STPG2: variants seen among roughly 807,000 people sequenced by gnomAD.
The protein encoded by STPG2 is sperm-tail PG-rich repeat-containing protein 2.
Under a neutral mutation model 54.2 loss-of-function variants are expected in STPG2, and 56 were observed. That is an observed-to-expected ratio of 1.03 (90% CI 0.83 to 1.29). STPG2 has a LOEUF of 1.29. Among genes scored for constraint, STPG2 ranks in the 50% most tolerant of loss-of-function variants. STPG2 has a pLI of 0.00. For missense variants in STPG2, 596 were observed against 544.9 expected (o/e 1.09, Z -0.93); for synonymous variants, 200 against 181.8 (o/e 1.10, Z -0.81).
intron 5 of STPG2, among the ~76,000 whole-genome samples, chr4:97,991,040 G>A (rs1734986056): frequency 6.6e-6 from 1 of 151,966 alleles, no homozygotes; most frequent in South Asian, 2.1e-4. Context: ...TGTACCCAAA[G>A]TGTATTCTTT....
chr4:97,876,952 TTTTA>T (rs1193496903), intron 8 of STPG2, among the ~76,000 whole-genome samples: 9 of 152,208 alleles, frequency 5.9e-5, no homozygotes, highest in African/African-American at 1.7e-4. Context: ...TTCAATTTAT[TTTTA>T]TTTATTTTAG....
At chr4:97,450,458 G>A (rs535163505) in intron 4 of STPG2, among the ~76,000 whole-genome samples, 1 of 152,110 alleles carries the variant, frequency 6.6e-6, no homozygotes, top group Admixed American at 6.6e-5. Flanking sequence ...CCAAGAAGAG[G>A]TACATGGAGA....
intron 8 of STPG2, among the ~76,000 whole-genome samples, chr4:97,902,913 G>A (rs1731233148): frequency 6.6e-6 from 1 of 152,040 alleles, no homozygotes; most frequent in South Asian, 2.1e-4. Context: ...ACTAATGGAT[G>A]AACAGATAGA....
chr4:97,508,830 T>A (rs889614673), intron 4 of STPG2, among the ~76,000 whole-genome samples: 2 of 152,120 alleles, frequency 1.3e-5, no homozygotes, highest in African/African-American at 4.8e-5. Flanking sequence ...TATACTTTAA[T>A]AGTGCTTTAT....
intron 9 of STPG2, among the ~76,000 whole-genome samples, chr4:97,803,058 G>C (rs59836368): frequency 5.7e-4 from 87 of 152,032 alleles, no homozygotes; most frequent in African/African-American, 2.0e-3. Flanking sequence ...GATTGTGCCA[G>C]GAATAAGAAA....
intron 10 of STPG2, among the ~76,000 whole-genome samples, chr4:97,676,012 AT>A (rs1161411486): frequency 1.4e-5 from 2 of 146,700 alleles, no homozygotes; most frequent in African/African-American, 5.0e-5. Context: ...TACTATATAT[AT>A]TACTAAATTT....
At position 97,712,732 on chromosome 4, in the gene STPG2, G is replaced by C; in HGVS notation, c.1287C>G (p.Ser429=). ...TTGCTGGGCCTGGAGTAATCTCTTT[G>C]GACTCTTCAAAGCGCTTTGATGCTT... ...FVKASKRFEE[S]KEITPGPATY... is the part of the protein sequence containing the mutation. The change falls in exon 10 of 11, where the codon TCC becomes TCG. Residue 429 remains serine, a synonymous_variant. Transcript: ENST00000295268. 1 of 1,606,462 alleles carries C rather than the reference G, an allele frequency of 6.2e-7. No homozygotes were observed. Among genetic ancestry groups the C allele is most frequent in the South Asian group, 1.1e-5 (1 of 89,974 alleles).
chr4:97,838,886 C>G (rs892152306), intron 9 of STPG2, among the ~76,000 whole-genome samples: 1 of 151,426 alleles, frequency 6.6e-6, no homozygotes, highest in Non-Finnish European at 1.5e-5. Context: ...ATAATAGAGG[C>G]ACATGGGGTT....
At chr4:97,597,361 C>G (rs75162437) in intron 10 of STPG2, among the ~76,000 whole-genome samples, 1 of 152,074 alleles carries the variant, frequency 6.6e-6, no homozygotes, top group Non-Finnish European at 1.5e-5. Flanking sequence ...CCTACCGAAA[C>G]TATTCCAAAA....
chr4:98,059,418 T>C (rs746746735), intron 5 of STPG2, among the ~76,000 whole-genome samples: 15 of 151,792 alleles, frequency 9.9e-5, no homozygotes, highest in Non-Finnish European at 2.2e-4. Context: ...ATAAATAGCC[T>C]ACCAATAAAA....
intron 5 of STPG2, among the ~76,000 whole-genome samples, chr4:98,019,436 G>A (rs1327028123): frequency 6.6e-6 from 1 of 151,954 alleles, no homozygotes; most frequent in Non-Finnish European, 1.5e-5. Context: ...AGTATAGTTT[G>A]AAGTCAGGTA....
intron 10 of STPG2, among the ~76,000 whole-genome samples, chr4:97,589,949 A>G (rs1212884952): frequency 1.3e-5 from 2 of 152,096 alleles, no homozygotes; most frequent in African/African-American, 2.4e-5. Context: ...TAAACCCTCT[A>G]TGGTGTTTGT....
At chr4:97,970,095 C>T (rs1734269483) in intron 7 of STPG2, among the ~76,000 whole-genome samples, 1 of 152,126 alleles carries the variant, frequency 6.6e-6, no homozygotes, top group Non-Finnish European at 1.5e-5. Flanking sequence ...AGGAATCCAA[C>T]TTACAGGGAT....
At chr4:97,583,645 T>C (rs1279610951) in intron 10 of STPG2, among the ~76,000 whole-genome samples, 6 of 151,826 alleles carry the variant, frequency 4.0e-5, no homozygotes, top group Non-Finnish European at 5.9e-5. Context: ...AAGTAATGCA[T>C]ACAAACTCAC....
rs554094869 is a variant in STPG2, at chr4:97,662,929, T to C, written c.1320+49770A>G. Among the ~76,000 whole-genome samples, 320 of 152,210 alleles carry C rather than the reference T, an allele frequency of 2.1e-3. 1 individual carries two copies. The highest frequency in any genetic ancestry group is 3.8e-3 in the Non-Finnish European group (257 of 67,972). On this transcript the variant is annotated intron_variant, in intron 10 of 10. Transcript: ENST00000295268. The stretch of plus-strand genomic sequence containing the variant: ...CAAACCTGCACATGTACCCCGAATA[T>C]AAAAGTTGAAATTATTTTAAAAATA...
chr4:97,885,525 C>G (rs1461802195), intron 8 of STPG2, among the ~76,000 whole-genome samples: 2 of 152,060 alleles, frequency 1.3e-5, no homozygotes, highest in Non-Finnish European at 1.5e-5. Context: ...TCCAGGATAC[C>G]TAGTGTTTCA....
chr4:97,697,742 G>T (rs1025349493), intron 10 of STPG2, among the ~76,000 whole-genome samples: 1 of 152,112 alleles, frequency 6.6e-6, no homozygotes, highest in African/African-American at 2.4e-5. Flanking sequence ...TTAGTTTACC[G>T]AAATGAGGGC....
At chr4:97,980,300 G>A (rs1350417883) in intron 6 of STPG2, among the ~76,000 whole-genome samples, 1 of 152,176 alleles carries the variant, frequency 6.6e-6, no homozygotes, top group African/African-American at 2.4e-5. Flanking sequence ...AAATATTTTT[G>A]TAGCCAGGGA....
At chr4:98,082,651 G>A (rs1432087971) in intron 5 of STPG2, among the ~76,000 whole-genome samples, 1 of 150,932 alleles carries the variant, frequency 6.6e-6, no homozygotes, top group Admixed American at 6.6e-5. Context: ...ACGGGGTTTC[G>A]CCACGTTGGC....
Sources: gnomAD v4.1 joint callset for allele counts (sites outside exome capture counted in the v4.1 genomes callset) on GRCh38, gnomAD v4.1.1 for gene constraint, MANE v1.5 for transcripts, NCBI Gene and HGNC (gene_info 2026-07-23, HGNC 2026-07-21) for gene names.